The following ADAMTS3 variants were observed in gnomAD, a reference collection of about 807,000 sequenced individuals.
ADAMTS3 encodes the protein A disintegrin and metalloproteinase with thrombospondin motifs 3.
ADAMTS3 carries 73 observed loss-of-function variants against 129.0 expected under a neutral mutation model. The ratio of observed to expected loss-of-function variants is 0.57; its 90% confidence interval spans 0.47 to 0.69. ADAMTS3 has a LOEUF of 0.69. ADAMTS3 is among the 30% of genes least tolerant of loss of function. The pLI is 0.00. For missense variants in ADAMTS3, 1,457 were observed against 1,514.5 expected, an observed-to-expected ratio of 0.96 and a Z score of 0.63; for synonymous variants, 477 against 510.8, an observed-to-expected ratio of 0.93 and a Z score of 0.89.
At chr4:72,378,038 G>A (rs1721179777) in intron 4 of ADAMTS3, among the ~76,000 whole-genome samples, 1 of 151,998 alleles carries the variant, frequency 6.6e-6, no homozygotes, top group Admixed American at 6.6e-5. Flanking sequence ...TCCAGGAAAT[G>A]TTTTTGGCAA....
chr4:72,504,706 A>C (rs1720113038), intron 3 of ADAMTS3, among the ~76,000 whole-genome samples: 2 of 152,102 alleles, frequency 1.3e-5, no homozygotes, highest in Admixed American at 6.6e-5. Flanking sequence ...AACACCAATA[A>C]TTTGTATGTT....
At chr4:72,306,110 C>A (rs757441167) in intron 15 of ADAMTS3, 43 bp from the exon 16 acceptor site, 4 of 1,468,126 alleles carry the variant, frequency 2.7e-6, no homozygotes, top group Admixed American at 4.2e-5. Flanking sequence ...AAGAAGAAAA[C>A]AAAAGCAACA....
chr4:72,486,662 T>G (rs946845186), intron 3 of ADAMTS3, among the ~76,000 whole-genome samples: 7 of 152,114 alleles, frequency 4.6e-5, no homozygotes, highest in Non-Finnish European at 1.0e-4. Flanking sequence ...AAAAAATAAT[T>G]CTTTCCCAAA....
At chr4:72,490,976 T>G (rs1719725277) in intron 3 of ADAMTS3, among the ~76,000 whole-genome samples, 1 of 151,880 alleles carries the variant, frequency 6.6e-6, no homozygotes, top group African/African-American at 2.4e-5. Context: ...ATTTTTTCCA[T>G]TTGTCTTTAA....
intron 4 of ADAMTS3, among the ~76,000 whole-genome samples, chr4:72,348,727 T>C (rs1014601951): frequency 2.0e-5 from 3 of 151,756 alleles, no homozygotes; most frequent in African/African-American, 7.3e-5. Context: ...AGGAGGAAGT[T>C]TGATGTACCA....
At chr4:72,329,375 GA>G (rs1719781376) in intron 5 of ADAMTS3, among the ~76,000 whole-genome samples, 1 of 152,122 alleles carries the variant, frequency 6.6e-6, no homozygotes, top group South Asian at 2.1e-4. Context: ...ACTGTTTAGG[GA>G]AAAAGCAATC....
intron 3 of ADAMTS3, among the ~76,000 whole-genome samples, chr4:72,539,491 GAA>G (rs71215438): frequency 0.29 from 25,143 of 86,012 alleles, 1,516 homozygotes; most frequent in South Asian, 0.45. Context: ...GCTACTATCA[GAA>G]AAAAAAAAAA....
chr4:72,353,594 T>C (rs1021527553), intron 4 of ADAMTS3, among the ~76,000 whole-genome samples: 8 of 151,914 alleles, frequency 5.3e-5, no homozygotes, highest in African/African-American at 1.9e-4. Flanking sequence ...TTAGCAGAAA[T>C]AGCAGCTACC....
At chr4:72,310,799 G>C (rs1469678854) in intron 14 of ADAMTS3, among the ~76,000 whole-genome samples, 1 of 151,918 alleles carries the variant, frequency 6.6e-6, no homozygotes, top group Non-Finnish European at 1.5e-5. Flanking sequence ...AGAGGCCTCA[G>C]AGTTACTCAG....
chr4:72,418,302 C>T (rs1722361194), intron 3 of ADAMTS3, among the ~76,000 whole-genome samples: 1 of 152,078 alleles, frequency 6.6e-6, no homozygotes, highest in African/African-American at 2.4e-5. Flanking sequence ...TACATATTCA[C>T]ATAGTGTGGC....
At chr4:72,415,697 T>A (rs1560507421) in intron 3 of ADAMTS3, among the ~76,000 whole-genome samples, 1 of 152,032 alleles carries the variant, frequency 6.6e-6, no homozygotes, top group Admixed American at 6.6e-5. Flanking sequence ...TGTTTTCTGA[T>A]TCTGTTTCAT....
At chr4:72,366,675 A>G (rs1359536615) in intron 4 of ADAMTS3, among the ~76,000 whole-genome samples, 2 of 152,178 alleles carry the variant, frequency 1.3e-5, no homozygotes, top group African/African-American at 2.4e-5. Flanking sequence ...TCTTCAGGAC[A>G]TTAAAGCATT....
At chr4:72,473,233 T>TTA (rs1719126848) in intron 3 of ADAMTS3, among the ~76,000 whole-genome samples, 1 of 151,984 alleles carries the variant, frequency 6.6e-6, no homozygotes, top group Admixed American at 6.6e-5. Context: ...ACTCTGGACC[T>TTA]TATATATATA....
At chr4:72,442,449 G>A (rs1718142751) in intron 3 of ADAMTS3, among the ~76,000 whole-genome samples, 1 of 151,694 alleles carries the variant, frequency 6.6e-6, no homozygotes, top group Admixed American at 6.6e-5. Context: ...TGGCAAGACG[G>A]AGGAAGCAAG....
chr4:72,544,400 G>A (rs1721414237), intron 3 of ADAMTS3, among the ~76,000 whole-genome samples: 1 of 151,866 alleles, frequency 6.6e-6, no homozygotes, highest in Non-Finnish European at 1.5e-5. Context: ...TTTATTTCCA[G>A]TACTCTTTGA....
At chr4:72,388,723 T>C (rs1196115843) in intron 4 of ADAMTS3, among the ~76,000 whole-genome samples, 2 of 152,312 alleles carry the variant, frequency 1.3e-5, no homozygotes, top group East Asian at 3.9e-4. Context: ...CACCCATAGA[T>C]TTGATGACTC....
intron 4 of ADAMTS3, among the ~76,000 whole-genome samples, chr4:72,409,599 A>G (rs947174174): frequency 6.6e-6 from 1 of 152,186 alleles, no homozygotes; most frequent in African/African-American, 2.4e-5. Context: ...TAACACTTTA[A>G]TCCTGGTCTA....
At chr4:72,523,405 C>A (rs1175451966) in intron 3 of ADAMTS3, among the ~76,000 whole-genome samples, 3 of 152,010 alleles carry the variant, frequency 2.0e-5, no homozygotes, top group African/African-American at 4.8e-5. Flanking sequence ...ATTTGATGGG[C>A]ATTCTATTTT....
chr4:72,305,910 A>T (rs1719077189), intron 16 of ADAMTS3, 77 bp downstream of exon 16: 1 of 1,187,200 alleles, frequency 8.4e-7, no homozygotes, highest in Non-Finnish European at 1.2e-6. Context: ...ATATATACAT[A>T]TCTATATTTA....
Sources: gnomAD v4.1 joint callset for allele counts (sites outside exome capture counted in the v4.1 genomes callset) on GRCh38, gnomAD v4.1.1 for gene constraint, MANE v1.5 for transcripts, NCBI Gene and HGNC (gene_info 2026-07-23, HGNC 2026-07-21) for gene names.